Variants in CSMD1 observed in about 807,000 individuals in gnomAD.
CSMD1 encodes the protein CUB and sushi domain-containing protein 1.
Under a neutral mutation model 417.5 loss-of-function variants are expected in CSMD1, and 213 were observed. The ratio of observed to expected loss-of-function variants is 0.51; its 90% CI spans 0.46 to 0.57. CSMD1 has a LOEUF of 0.57. Among genes scored for constraint, CSMD1 ranks in the 20% least tolerant of loss-of-function variants. The pLI, the probability that CSMD1 is intolerant of heterozygous loss-of-function variation, is 0.00. For missense variants in CSMD1, 6,923 were observed against 4,529.7 expected (o/e 1.53, Z -15.17); for synonymous variants, 2,862 against 1,736.8 (o/e 1.65, Z -16.11).
At position 3,301,539 on chromosome 8, in the gene CSMD1, C is replaced by T. The variant is rs372582669; in HGVS notation, c.3950+6156G>A. On this transcript the variant is annotated intron_variant, in intron 25 of 69. Coordinates refer to ENST00000635120, the MANE Select transcript of CSMD1 (RefSeq NM_033225.6). Reference sequence around the variant, plus strand: ...ATAATAAAAATGAATTTTTGCTGAGCCCTAAGAGATGGGAAGAAACTGGAG... The same window carrying T: ...ATAATAAAAATGAATTTTTGCTGAGTCCTAAGAGATGGGAAGAAACTGGAG... Among the ~76,000 whole-genome samples the T allele has an allele frequency of 6.6e-5, 10 of 151,992 alleles. No individual in the cohort carries two copies. In the East Asian group the frequency reaches 1.7e-3, roughly 26 times the overall value.
At chr8:3,220,011 G>A (rs1162988141) in intron 28 of CSMD1, among the ~76,000 whole-genome samples, 5 of 151,956 alleles carry the variant, frequency 3.3e-5, no homozygotes, top group African/African-American at 9.7e-5. Flanking sequence ...AGAGTGTGGT[G>A]GTGCACACTT....
intron 37 of CSMD1, among the ~76,000 whole-genome samples, chr8:3,180,044 T>C (rs1001704552): frequency 8.5e-5 from 13 of 152,212 alleles, no homozygotes; most frequent in Admixed American, 5.9e-4. Context: ...AAAAGATCAC[T>C]TATTAAAGCT....
chr8:4,852,252 G>C (rs964582272), intron 1 of CSMD1, among the ~76,000 whole-genome samples: 4 of 152,166 alleles, frequency 2.6e-5, no homozygotes, highest in Admixed American at 6.5e-5. Context: ...GTAATCCCTA[G>C]TTTTGGAGGT....
chr8:3,078,128 A>G lies in CSMD1; in HGVS notation c.7474+8969T>C, dbSNP rs79622684. ...GTGAGATATATAGTTGATCTCTATT[A>G]GCCACTCTTATGCATAGGACCCTTG... On this transcript the variant is annotated intron_variant, in intron 49 of 69. Coordinates refer to ENST00000635120, the MANE Select transcript of CSMD1 (RefSeq NM_033225.6). 8.0e-3 allele frequency among the ~76,000 whole-genome samples: 1,213 copies of G among 152,336 alleles called. 8 individuals are homozygous for G. The highest frequency in any genetic ancestry group is 0.02 in the Middle Eastern group (6 of 294).
At chr8:3,741,381 A>G (rs554571381) in intron 6 of CSMD1, among the ~76,000 whole-genome samples, 57 of 152,144 alleles carry the variant, frequency 3.7e-4, no homozygotes, top group Non-Finnish European at 6.8e-4. Flanking sequence ...GGAATGTATC[A>G]CAGGATGGCA....
At chr8:3,681,107 C>G (rs1799638385) in intron 7 of CSMD1, among the ~76,000 whole-genome samples, 1 of 152,186 alleles carries the variant, frequency 6.6e-6, no homozygotes, top group Non-Finnish European at 1.5e-5. Flanking sequence ...AAACTGGAAG[C>G]ATTCCCTTTG....
At chr8:4,216,546 A>G (rs1006608409) in intron 3 of CSMD1, among the ~76,000 whole-genome samples, 1 of 152,180 alleles carries the variant, frequency 6.6e-6, no homozygotes, top group African/African-American at 2.4e-5. Context: ...AAGATCAAAG[A>G]ACCCGGCCTG....
At chr8:4,466,200 C>T (rs576006436) in intron 2 of CSMD1, among the ~76,000 whole-genome samples, 69 of 152,160 alleles carry the variant, frequency 4.5e-4, no homozygotes, top group African/African-American at 1.6e-3. Context: ...GGGCATGATG[C>T]TTTTATAATA....
chr8:4,261,655 C>T (rs952970621), intron 3 of CSMD1, among the ~76,000 whole-genome samples: 21 of 152,074 alleles, frequency 1.4e-4, no homozygotes, highest in African/African-American at 4.8e-4. Context: ...GGCAATCCTG[C>T]CACCTCGGCC....
chr8:3,036,510 G>C (rs1810682900), intron 50 of CSMD1, among the ~76,000 whole-genome samples: 2 of 152,122 alleles, frequency 1.3e-5, no homozygotes, highest in Admixed American at 1.3e-4. Flanking sequence ...TGTCATTGGA[G>C]TAAACTGATT....
intron 69 of CSMD1, among the ~76,000 whole-genome samples, chr8:2,939,980 G>T (rs564983378): frequency 6.6e-6 from 1 of 152,110 alleles, no homozygotes; most frequent in Non-Finnish European, 1.5e-5. Flanking sequence ...CTGACGTGCA[G>T]GTGTGCAGCT....
At chr8:3,596,188 G>C (rs1157564562) in intron 8 of CSMD1, among the ~76,000 whole-genome samples, 1 of 152,134 alleles carries the variant, frequency 6.6e-6, no homozygotes, top group Non-Finnish European at 1.5e-5. Flanking sequence ...AGGAAGCAGA[G>C]CTCCAGCAGC....
At chr8:4,511,350 G>A (rs1014585154) in intron 2 of CSMD1, among the ~76,000 whole-genome samples, 19 of 152,288 alleles carry the variant, frequency 1.2e-4, no homozygotes, top group African/African-American at 3.8e-4. Flanking sequence ...CAGAGGAGGG[G>A]CATGCAGGCT....
intron 12 of CSMD1, among the ~76,000 whole-genome samples, chr8:3,423,673 T>C (rs187546993): frequency 2.0e-4 from 31 of 152,326 alleles, no homozygotes; most frequent in Admixed American, 6.5e-4. Flanking sequence ...TTTGGGGCTA[T>C]TATGAAGAAA....
chr8:3,291,355 G>A (rs1428586203), intron 25 of CSMD1, among the ~76,000 whole-genome samples: 1 of 27,364 alleles, frequency 3.7e-5, no homozygotes, highest in South Asian at 8.4e-4. Context: ...AAGTTAGGGA[G>A]GATTCCCATC....
At chr8:4,406,319 G>C (rs961522655) in intron 3 of CSMD1, among the ~76,000 whole-genome samples, 1 of 152,080 alleles carries the variant, frequency 6.6e-6, no homozygotes, top group Non-Finnish European at 1.5e-5. Context: ...GCTTCCAGTT[G>C]TGAATTCAAC....
intron 12 of CSMD1, among the ~76,000 whole-genome samples, chr8:3,409,813 A>G (rs1812569581): frequency 6.6e-6 from 1 of 152,218 alleles, no homozygotes; most frequent in South Asian, 2.1e-4. Context: ...AAAGGTATTT[A>G]ATTTGCTATC....
intron 2 of CSMD1, among the ~76,000 whole-genome samples, chr8:4,493,184 C>A (rs1357393756): frequency 6.6e-6 from 1 of 152,162 alleles, no homozygotes; most frequent in Non-Finnish European, 1.5e-5. Flanking sequence ...CACCTTAAGA[C>A]AGTAAGCGTT....
At chr8:3,520,993 A>G (rs1797484371) in intron 10 of CSMD1, among the ~76,000 whole-genome samples, 1 of 152,050 alleles carries the variant, frequency 6.6e-6, no homozygotes, top group Non-Finnish European at 1.5e-5. Flanking sequence ...TCAAAGTCAA[A>G]GCCCTCTCTG....
Sources: gnomAD v4.1 joint callset for allele counts (sites outside exome capture counted in the v4.1 genomes callset) on GRCh38, gnomAD v4.1.1 for gene constraint, MANE v1.5 for transcripts, NCBI Gene and HGNC (gene_info 2026-07-23, HGNC 2026-07-21) for gene names.